PIK3C2G: variants seen among roughly 807,000 people sequenced by gnomAD.
The protein encoded by PIK3C2G is phosphatidylinositol-4-phosphate 3-kinase catalytic subunit type 2 gamma.
Under a neutral mutation model 181.1 loss-of-function variants are expected in PIK3C2G, and 168 were observed. That is an observed-to-expected ratio of 0.93 (90% CI 0.82 to 1.05). The LOEUF is 1.05. PIK3C2G is among the 50% of genes least tolerant of loss of function. PIK3C2G has a pLI of 0.00. For missense variants in PIK3C2G, 1,869 were observed against 1,732.8 expected (o/e 1.08, Z -1.40); for synonymous variants, 573 against 592.2 (o/e 0.97, Z 0.47).
intron 15 of PIK3C2G, 69 bp from the exon 16 acceptor site, chr12:18,399,590 C>T: frequency 1.1e-6 from 1 of 900,806 alleles, no homozygotes; most frequent in Non-Finnish European, 1.6e-6. Flanking sequence ...TTTTCTACTG[C>T]ATATTTATAG....
upstream of PIK3C2G, among the ~76,000 whole-genome samples, chr12:18,257,952 T>C (rs954426878): frequency 6.6e-6 from 1 of 152,154 alleles, no homozygotes; most frequent in Non-Finnish European, 1.5e-5. Context: ...ATACAACTTC[T>C]TGGTAGAACC....
chr12:18,397,190 A>G (rs1943945891), intron 15 of PIK3C2G, among the ~76,000 whole-genome samples: 1 of 151,640 alleles, frequency 6.6e-6, no homozygotes, highest in Non-Finnish European at 1.5e-5. Context: ...ACTTTCAGCA[A>G]GTAAAATACT....
chr12:18,330,536 T>C (rs1937825052), intron 8 of PIK3C2G, among the ~76,000 whole-genome samples: 1 of 152,326 alleles, frequency 6.6e-6, no homozygotes, highest in South Asian at 2.1e-4. Context: ...ATTTCCTCAA[T>C]GGCTGATGAT....
At chr12:18,661,377 A>G in the PIK3C2G span, among the ~76,000 whole-genome samples, 1 of 37,358 alleles carries the variant, frequency 2.7e-5, no homozygotes, top group Non-Finnish European at 9.1e-5. Flanking sequence ...ATAAAAAAAA[A>G]GAGAGAGAGA....
At chr12:18,396,683 C>T (rs1324996372) in intron 15 of PIK3C2G, among the ~76,000 whole-genome samples, 1 of 151,380 alleles carries the variant, frequency 6.6e-6, no homozygotes, top group East Asian at 1.9e-4. Context: ...ATGTTACTTA[C>T]TGTAACAAAA....
At chr12:18,687,564 A>T in the PIK3C2G span, among the ~76,000 whole-genome samples, 1 of 152,146 alleles carries the variant, frequency 6.6e-6, no homozygotes, top group Non-Finnish European at 1.5e-5. Flanking sequence ...ATCTTACCAA[A>T]GTTATTTCCC....
intron 29 of PIK3C2G, among the ~76,000 whole-genome samples, chr12:18,583,928 G>A (rs758375363): frequency 1.3e-5 from 2 of 152,150 alleles, no homozygotes; most frequent in Non-Finnish European, 2.9e-5. Flanking sequence ...GATCATTGAT[G>A]CTCAGGAGAA....
At chr12:18,701,694 C>A in the PIK3C2G span, 3 of 1,612,150 alleles carry the variant, frequency 1.9e-6, no homozygotes, top group Non-Finnish European at 2.5e-6. Flanking sequence ...CACCTTACCA[C>A]GCTTATCAGA....
At chr12:18,401,126 G>A (rs1040639017) in intron 16 of PIK3C2G, among the ~76,000 whole-genome samples, 2 of 152,054 alleles carry the variant, frequency 1.3e-5, no homozygotes, top group Non-Finnish European at 2.9e-5. Context: ...CAATGTTTCT[G>A]TTTCCTGAAG....
chr12:18,354,222 A>T (rs1940495860), intron 11 of PIK3C2G, among the ~76,000 whole-genome samples: 1 of 152,222 alleles, frequency 6.6e-6, no homozygotes, highest in Non-Finnish European at 1.5e-5. Flanking sequence ...GATCTCCCTT[A>T]ATTTGCCTCA....
intron 5 of PIK3C2G, among the ~76,000 whole-genome samples, chr12:18,305,633 G>C (rs1025727516): frequency 3.3e-5 from 5 of 150,076 alleles, no homozygotes; most frequent in Admixed American, 6.7e-5. Context: ...TGATTAGTTA[G>C]AGAATTTTTG....
chr12:18,471,533 A>T (rs1938457397), intron 18 of PIK3C2G, among the ~76,000 whole-genome samples: 3 of 152,118 alleles, frequency 2.0e-5, no homozygotes, highest in African/African-American at 7.2e-5. Context: ...GCTTGTTCTC[A>T]TCACAAAGCC....
At chr12:18,324,088 C>T (rs1236556443) in intron 7 of PIK3C2G, among the ~76,000 whole-genome samples, 2 of 151,986 alleles carry the variant, frequency 1.3e-5, no homozygotes, top group African/African-American at 2.4e-5. Context: ...GGCGTGGTGG[C>T]GGGCGCCTGT....
intron 25 of PIK3C2G, among the ~76,000 whole-genome samples, chr12:18,541,177 G>T (rs765226325): frequency 3.9e-5 from 6 of 151,912 alleles, no homozygotes; most frequent in Non-Finnish European, 7.4e-5. Context: ...ATTCTATCTT[G>T]TGCAAATGAT....
At chr12:18,512,693 T>G (rs1942286859) in intron 24 of PIK3C2G, among the ~76,000 whole-genome samples, 1 of 151,936 alleles carries the variant, frequency 6.6e-6, no homozygotes, top group Non-Finnish European at 1.5e-5. Context: ...TAACAGTTCT[T>G]TAGTGGAGTC....
intron 14 of PIK3C2G, among the ~76,000 whole-genome samples, chr12:18,387,506 C>T (rs1179335198): frequency 6.6e-6 from 1 of 152,088 alleles, no homozygotes; most frequent in Non-Finnish European, 1.5e-5. Flanking sequence ...AATACTGTTC[C>T]CTGTCTATAA....
the PIK3C2G span, chr12:18,692,914 C>T: frequency 5.0e-6 from 8 of 1,594,226 alleles, no homozygotes; most frequent in Non-Finnish European, 6.9e-6. Context: ...CCAGATGCTG[C>T]CAGCAAACTG....
chr12:18,505,996 C>G (rs1941806420), intron 24 of PIK3C2G, among the ~76,000 whole-genome samples: 1 of 152,084 alleles, frequency 6.6e-6, no homozygotes, highest in South Asian at 2.1e-4. Flanking sequence ...AGTTTACAAG[C>G]TAAGAAATGA....
At chr12:18,416,413 A>G (rs947665009) in intron 16 of PIK3C2G, among the ~76,000 whole-genome samples, 3 of 152,180 alleles carry the variant, frequency 2.0e-5, no homozygotes, top group Admixed American at 1.3e-4. Context: ...CAGATTTTCA[A>G]TATAGATGAA....
Sources: allele counts gnomAD v4.1 joint callset (sites outside exome capture counted in the v4.1 genomes callset), GRCh38; gene constraint gnomAD v4.1.1; transcripts MANE v1.5; gene names NCBI Gene and HGNC (gene_info 2026-07-23, HGNC 2026-07-21).